REXO2: variants seen among roughly 807,000 people sequenced by gnomAD.
REXO2 encodes RNA exonuclease 2.
In REXO2, 17 loss-of-function variants were observed where a neutral mutation model predicts 30.9. That is an observed-to-expected ratio of 0.55 (90% CI 0.38 to 0.82). The LOEUF (loss-of-function observed/expected upper bound fraction) is 0.82, where lower values mean the gene tolerates loss of function less well. Among genes scored for constraint, REXO2 ranks in the 40% least tolerant of loss-of-function variants. REXO2 has a pLI of 0.00. For synonymous variants in REXO2, 105 were observed against 99.6 expected (o/e 1.05, Z -0.32); for missense variants, 253 against 293.2 (o/e 0.86, Z 1.00).
intron 2 of REXO2, among the ~76,000 whole-genome samples, chr11:114,442,427 A>AATG (rs1215297617): frequency 6.6e-6 from 1 of 151,882 alleles, no homozygotes; most frequent in Non-Finnish European, 1.5e-5. Context: ...CTTCGTGACT[A>AATG]TCATAAAACA....
At chr11:114,440,820 T>A in intron 2 of REXO2, 81 bp downstream of exon 2, 1 of 1,156,020 alleles carries the variant, frequency 8.7e-7, no homozygotes, top group Non-Finnish European at 1.3e-6. Flanking sequence ...CTTCTTTATT[T>A]AAAAAATAAG....
chr11:114,443,832 A>G (rs1591211060), intron 2 of REXO2, 24 bp from the exon 3 acceptor site: 1 of 1,570,674 alleles, frequency 6.4e-7, no homozygotes, highest in East Asian at 2.2e-5. Flanking sequence ...TTTCTTGGTG[A>G]CTGATGGCGT....
intron 5 of REXO2, 155 bp downstream of exon 5, chr11:114,446,242 A>G: frequency 2.3e-6 from 1 of 443,588 alleles, no homozygotes; most frequent in Non-Finnish European, 4.0e-6. Context: ...ACCTTAACTT[A>G]CCCTGGACTG....
intron 5 of REXO2, among the ~76,000 whole-genome samples, chr11:114,447,196 G>T (rs1946515270): frequency 6.6e-6 from 1 of 152,132 alleles, no homozygotes; most frequent in Non-Finnish European, 1.5e-5. Context: ...AAAGTGCTGG[G>T]ATTACAGGCG....
rs1946536511 is a variant in REXO2, at chr11:114,450,157, C to A, written c.*182C>A. ...ATATGCTGTTTCCATTATGACACAGCAGCTCCTTTGTAAGTACCAGGTCAT... is the reference window on the plus strand; with the variant it reads ...ATATGCTGTTTCCATTATGACACAGAAGCTCCTTTGTAAGTACCAGGTCAT... On this transcript the variant is annotated 3_prime_UTR_variant, in exon 7 of 7. Transcript: ENST00000265881. The A allele has an allele frequency of 2.1e-6, 1 of 480,498 alleles. No homozygotes were observed. The highest frequency in any genetic ancestry group is 3.6e-6 in the Non-Finnish European group (1 of 280,320). The allele number at this position is 480,498 out of a possible 1,614,324, so 29.8% of individuals were successfully genotyped here. A position where few individuals can be genotyped will look rare whatever the true frequency, so the allele number is the denominator to read the frequency against.
intron 2 of REXO2, 149 bp from the exon 3 acceptor site, chr11:114,443,707 G>A: frequency 1.7e-6 from 1 of 589,652 alleles, no homozygotes; most frequent in Non-Finnish European, 3.1e-6. Context: ...AATGAACAGT[G>A]CTGGAATGAA....
chr11:114,441,684 A>C (rs1946479070), intron 2 of REXO2: 3 of 701,374 alleles, frequency 4.3e-6, no homozygotes, highest in Non-Finnish European at 5.2e-6. Context: ...TTGATATGTT[A>C]CTGGCACTGG....
At position 114,446,201 on chromosome 11, in the gene REXO2, A is replaced by G. The variant is rs1047726427; in HGVS notation, c.530+114A>G. 5 of 594,536 alleles carry G rather than the reference A, an allele frequency of 8.4e-6. No homozygotes were observed. The Middle Eastern group carries it at 8.7e-4, about 104-fold the overall frequency. 36.8% of individuals were successfully genotyped at this position (594,536 alleles called of 1,614,324 possible). A position where few individuals can be genotyped will look rare whatever the true frequency, so the allele number is the denominator to read the frequency against. The stretch of plus-strand genomic sequence containing the variant: ...AACTAAGGCTACCAAGTGGGTTCAT[A>G]TCTTCCTCATCCCATTCTTGCTTGT... On this transcript the variant is annotated intron_variant, in intron 5 of 6. Coordinates refer to ENST00000265881, the MANE Select transcript of REXO2 (RefSeq NM_015523.4).
At chr11:114,448,197 C>A (rs1367533523) in intron 6 of REXO2, among the ~76,000 whole-genome samples, 1 of 152,104 alleles carries the variant, frequency 6.6e-6, no homozygotes, top group East Asian at 1.9e-4. Context: ...GACTTGCAGC[C>A]TTTTGAAATT....
At position 114,444,534 on chromosome 11, in the gene REXO2, C is replaced by G. The variant is rs754763244; in HGVS notation, c.310-7C>G. On this transcript the variant is annotated splice_polypyrimidine_tract_variant and splice_region_variant and intron_variant, in intron 3 of 6. Transcript: ENST00000265881. ...TTTGGTGGGGGGCTGGGGATTCTCTCTTGCAGTCTGGCCTTACCAAGGCAG... is the reference window on the plus strand; with the variant it reads ...TTTGGTGGGGGGCTGGGGATTCTCTGTTGCAGTCTGGCCTTACCAAGGCAG... 4 of 1,597,626 alleles carry G rather than the reference C, an allele frequency of 2.5e-6. No homozygotes were observed. Among genetic ancestry groups the G allele is most frequent in the Non-Finnish European group, 2.6e-6 (3 of 1,169,550 alleles).
chr11:114,448,234 A>G lies in REXO2; in HGVS notation c.584+355A>G, dbSNP rs137988803. Among the ~76,000 whole-genome samples the G allele has an allele frequency of 5.9e-5, 9 of 152,312 alleles. No individual in the cohort carries two copies. The East Asian group carries it at 1.7e-3, about 29-fold the overall frequency. The stretch of plus-strand genomic sequence containing the variant: ...GAACACTTTTTGTGTGCAATTCTAT[A>G]ATACAGTTGCCTACTTTGACACTTG... On this transcript the variant is annotated intron_variant, in intron 6 of 6. Transcript: ENST00000265881.
rs78417844 is a variant in REXO2 at position 114,439,585 on chromosome 11, A to G, written c.57A>G (p.Gly19=). ...RLLRGVGGSH[G]RFGARGVREG... ...TGCGGGGTGTAGGTGGGAGTCACGG[A>G]CGGTTCGGGGCCCGAGGTGTCCGCG... Residue 19 remains glycine, a synonymous_variant, in exon 1 of 7, where the codon GGA becomes GGG. Coordinates refer to ENST00000265881, the MANE Select transcript of REXO2 (RefSeq NM_015523.4). 2,676 of 1,609,046 alleles carry G rather than the reference A, an allele frequency of 1.7e-3. 46 individuals are homozygous for G. In the African/African-American group the frequency reaches 0.03, roughly 18 times the overall value.
intron 6 of REXO2, among the ~76,000 whole-genome samples, chr11:114,448,308 G>A (rs759783246): frequency 2.0e-5 from 3 of 152,154 alleles, no homozygotes; most frequent in Non-Finnish European, 4.4e-5. Flanking sequence ...TTAGGTACAA[G>A]TAGACAAGGA....
At chr11:114,443,220 C>G (rs1486425421) in intron 2 of REXO2, among the ~76,000 whole-genome samples, 2 of 151,876 alleles carry the variant, frequency 1.3e-5, no homozygotes, top group Non-Finnish European at 2.9e-5. Flanking sequence ...GATCTTCCTG[C>G]CTCAGCCTCC....
chr11:114,443,292 T>A (rs368232257), intron 2 of REXO2, among the ~76,000 whole-genome samples: 18 of 148,518 alleles, frequency 1.2e-4, no homozygotes, highest in East Asian at 1.2e-3. Flanking sequence ...TTTTTTTTTT[T>A]AATTTTGTAG....
rs371390839 is a variant in REXO2, at chr11:114,439,506, G to T, written c.-23G>T. On this transcript the variant is annotated 5_prime_UTR_variant, in exon 1 of 7. Coordinates refer to ENST00000265881, the MANE Select transcript of REXO2 (RefSeq NM_015523.4). ...CGCCAGCGCCGGCTGCGAGACTGGG[G>T]CCGTGGCTGCTGGTCCCGGGTGATG... 1,812 of 1,601,376 alleles carry T rather than the reference G, an allele frequency of 1.1e-3. No individual in the cohort carries two copies. Among genetic ancestry groups the T allele is most frequent in the Non-Finnish European group, 1.5e-3 (1,749 of 1,178,552 alleles).
At chr11:114,448,885 T>G (rs78095522) in intron 6 of REXO2, 1 of 152,356 alleles carries the variant, frequency 6.6e-6, no homozygotes, top group African/African-American at 2.4e-5. Flanking sequence ...GGATAAGATA[T>G]TGTGTGCCTT....
chr11:114,447,679 G>A, intron 5 of REXO2, 147 bp from the exon 6 acceptor site: 1 of 587,410 alleles, frequency 1.7e-6, no homozygotes, highest in Admixed American at 3.3e-5. Flanking sequence ...GAGAGGAGAG[G>A]GTAGAAGATA....
In REXO2 at chr11:114,447,862, G is replaced by C. The variant is rs757957741; in HGVS notation, c.567G>C (p.Lys189Asn). 1.9e-6 allele frequency: 3 copies of C among 1,613,842 alleles called. No individual in the cohort carries two copies. Among genetic ancestry groups the C allele is most frequent in the South Asian group, 2.2e-5 (2 of 91,036 alleles). Residue 189 changes from lysine (K) to asparagine (N), a missense_variant, in exon 6 of 7, where the codon AAG (lysine) becomes AAC (asparagine). Lys to Asn is a moderately conservative substitution (Grantham distance 94, BLOSUM62 0). Transcript: ENST00000265881. ...CAGAAGAATATGAATTTGCACCAAA[G>C]AAGGCTGCTTCTCATAGGTAAGTTT... ...WYPEEYEFAP[K>N]KAASHRALDD...
Sources: allele counts gnomAD v4.1 joint callset (sites outside exome capture counted in the v4.1 genomes callset), GRCh38; gene constraint gnomAD v4.1.1; transcripts MANE v1.5; gene names NCBI Gene and HGNC (gene_info 2026-07-23, HGNC 2026-07-21).